ELF4: variants seen among roughly 807,000 people sequenced by gnomAD.
ELF4 encodes the protein ETS-related transcription factor Elf-4.
In ELF4, 10 loss-of-function variants were observed where a neutral mutation model predicts 31.7. The ratio of observed to expected loss-of-function variants is 0.32; its 90% CI spans 0.19 to 0.54. ELF4 has a LOEUF of 0.54. Ranked by LOEUF, ELF4 falls within the 20% of genes least tolerant of loss-of-function variation. The pLI is 0.95. For missense variants in ELF4, 418 were observed against 522.0 expected, an observed-to-expected ratio of 0.80 and a Z score of 1.94; for synonymous variants, 208 against 226.7, an observed-to-expected ratio of 0.92 and a Z score of 0.74.
rs1932783020 is a variant in ELF4, at chrX:130,071,025, C to T, written c.809+15G>A. 2.5e-6 allele frequency: 3 copies of T among 1,211,446 alleles called. No individual in the cohort carries two copies. The highest frequency in any genetic ancestry group is 3.4e-6 in the Non-Finnish European group (3 of 895,411). ...CCCCAGGGCAGGGGTTCTGCATCAT[C>T]CCAACAGCTCCTACCTTAGTGCCCG... On this transcript the variant is annotated intron_variant, in intron 7 of 8. Coordinates refer to ENST00000308167, the MANE Select transcript of ELF4 (RefSeq NM_001421.4).
chrX:130,090,723 T>G (rs188240119), intron 1 of ELF4, among the ~76,000 whole-genome samples: 2 of 112,843 alleles, frequency 1.8e-5, no homozygotes, highest in Admixed American at 9.4e-5. Context: ...GGTCCATTTT[T>G]AGACGGCCCA....
chrX:130,083,719 C>T (rs972728164), intron 1 of ELF4, among the ~76,000 whole-genome samples: 2 of 111,650 alleles, frequency 1.8e-5, no homozygotes, highest in African/African-American at 6.5e-5. Flanking sequence ...ATTGATGAAA[C>T]CTTAGCACCT....
intron 1 of ELF4, among the ~76,000 whole-genome samples, chrX:130,107,973 C>T (rs1406856694): frequency 2.7e-5 from 3 of 112,375 alleles, no homozygotes; most frequent in Non-Finnish European, 3.8e-5. Context: ...CTTTGGGAGG[C>T]GGAGGCGGGT....
At position 130,081,558 on chromosome X, in the gene ELF4, T is replaced by C; in HGVS notation, c.-209-19A>G. Reference sequence around the variant, plus strand: ...GAGCGACCTAGAGAGAAGGGAGAGATGGGGACAGTGAGTAAGTCACCTTCC... The same window carrying C: ...GAGCGACCTAGAGAGAAGGGAGAGACGGGGACAGTGAGTAAGTCACCTTCC... On this transcript the variant is annotated intron_variant, in intron 1 of 8. Transcript: ENST00000308167. The C allele has an allele frequency of 2.3e-6, 1 of 442,279 alleles. No individual in the cohort carries two copies. The highest frequency in any genetic ancestry group is 4.0e-6 in the Non-Finnish European group (1 of 250,519). 36.4% of individuals were successfully genotyped at this position (442,279 alleles called of 1,213,427 possible).
At chrX:130,070,347 C>T (rs1031329973) in intron 7 of ELF4, among the ~76,000 whole-genome samples, 1 of 110,901 alleles carries the variant, frequency 9.0e-6, no homozygotes, top group Admixed American at 9.6e-5. Flanking sequence ...CCGAGGTGGG[C>T]AGATCACGAG....
At chrX:130,073,277 C>T (rs1419221401) in intron 4 of ELF4, among the ~76,000 whole-genome samples, 1 of 109,665 alleles carries the variant, frequency 9.1e-6, no homozygotes, top group Non-Finnish European at 1.9e-5. Flanking sequence ...TTAGTAGAGA[C>T]GAGGTTTTGC....
At chrX:130,070,512 T>C (rs1932774267) in intron 7 of ELF4, among the ~76,000 whole-genome samples, 1 of 108,848 alleles carries the variant, frequency 9.2e-6, no homozygotes, top group Admixed American at 9.9e-5. Context: ...GAGGTAGAGC[T>C]TGCAGTGAGC....
At chrX:130,087,059 G>C (rs992485924) in intron 1 of ELF4, among the ~76,000 whole-genome samples, 1 of 112,650 alleles carries the variant, frequency 8.9e-6, no homozygotes, top group African/African-American at 3.2e-5. Context: ...AGGAGGGGGA[G>C]GGTTAGTGAC....
At chrX:130,092,871 T>G (rs1243605246) in intron 1 of ELF4, among the ~76,000 whole-genome samples, 3 of 110,849 alleles carry the variant, frequency 2.7e-5, no homozygotes, top group African/African-American at 9.9e-5. Flanking sequence ...CCTGGCATAC[T>G]TGGGGATTGG....
rs112275632 is a variant in ELF4, at chrX:130,101,876, C to T, written c.-210+8449G>A. On this transcript the variant is annotated intron_variant, in intron 1 of 8. Transcript: ENST00000308167. ...GCCAGACTGGGCGCAGTGGCTCACGCCGGTAATCCCAGCACTTTGGGAGGC... is the reference window on the plus strand; with the variant it reads ...GCCAGACTGGGCGCAGTGGCTCACGTCGGTAATCCCAGCACTTTGGGAGGC... Among the ~76,000 whole-genome samples, 228 of 111,891 alleles carry T rather than the reference C, an allele frequency of 2.0e-3. 1 individual carries two copies. The highest frequency in any genetic ancestry group is 7.1e-3 in the African/African-American group (218 of 30,760).
intron 5 of ELF4, 128 bp downstream of exon 5, chrX:130,072,098 G>T (rs9698546): frequency 2.5e-6 from 2 of 800,330 alleles, no homozygotes; most frequent in East Asian, 3.2e-5. Context: ...TTACAGAAGG[G>T]AGGCCTTTTG....
chrX:130,072,191 C>A, intron 5 of ELF4, 35 bp downstream of exon 5: 2 of 1,181,549 alleles, frequency 1.7e-6, no homozygotes, highest in South Asian at 1.8e-5. Context: ...CCCATCCCCT[C>A]GGAGACACAC....
intron 8 of ELF4, among the ~76,000 whole-genome samples, chrX:130,068,569 G>A (rs1397477631): frequency 8.9e-6 from 1 of 112,309 alleles, no homozygotes; most frequent in South Asian, 3.7e-4. Context: ...TGTAGTGGGA[G>A]GTCCAAACAC....
At chrX:130,095,216 G>A (rs1933128799) in intron 1 of ELF4, among the ~76,000 whole-genome samples, 1 of 112,311 alleles carries the variant, frequency 8.9e-6, no homozygotes, top group African/African-American at 3.2e-5. Flanking sequence ...CCCTGCAAAG[G>A]AGCCAGTAAG....
At chrX:130,108,929 T>A (rs1404643181) in intron 1 of ELF4, among the ~76,000 whole-genome samples, 1 of 111,247 alleles carries the variant, frequency 9.0e-6, no homozygotes, top group Non-Finnish European at 1.9e-5. Flanking sequence ...TCCTCCCTGA[T>A]AATCTTCACT....
At chrX:130,099,252 A>G (rs1933203279) in intron 1 of ELF4, among the ~76,000 whole-genome samples, 1 of 112,044 alleles carries the variant, frequency 8.9e-6, no homozygotes, top group African/African-American at 3.2e-5. Flanking sequence ...AGTGGCTATC[A>G]GGGCTCCACA....
intron 2 of ELF4, 29 bp from the exon 3 acceptor site, chrX:130,074,781 G>T (rs754204021): frequency 3.3e-6 from 4 of 1,207,350 alleles, no homozygotes; most frequent in Non-Finnish European, 4.5e-6. Flanking sequence ...TGTGATTCAA[G>T]ACCCACCCAG....
chrX:130,067,623 C>T (rs1932716794), intron 8 of ELF4, 98 bp from the exon 9 acceptor site: 5 of 907,701 alleles, frequency 5.5e-6, no homozygotes, highest in South Asian at 4.0e-5. Context: ...AGGTGTTTGT[C>T]GATTTATTTG....
chrX:130,099,255 G>T (rs1351138791), intron 1 of ELF4, among the ~76,000 whole-genome samples: 1 of 112,057 alleles, frequency 8.9e-6, no homozygotes, highest in African/African-American at 3.2e-5. Context: ...GGCTATCAGG[G>T]CTCCACATTT....
Sources: allele counts gnomAD v4.1 joint callset (sites outside exome capture counted in the v4.1 genomes callset), GRCh38; gene constraint gnomAD v4.1.1; transcripts MANE v1.5; gene names NCBI Gene and HGNC (gene_info 2026-07-23, HGNC 2026-07-21).